The following MYH9 variants were observed in gnomAD, a reference collection of about 807,000 sequenced individuals.
MYH9 encodes the protein myosin heavy chain 9.
Under a neutral mutation model 241.9 loss-of-function variants are expected in MYH9, and 29 were observed. The observed-to-expected ratio is 0.12, with a 90% CI of 0.09 to 0.16. The LOEUF (loss-of-function observed/expected upper bound fraction) is 0.16, where lower values mean the gene tolerates loss of function less well. MYH9 is among the 10% of genes least tolerant of loss of function. The pLI is 1.00. For synonymous variants in MYH9, 1,047 were observed against 1,062.6 expected (o/e 0.99, Z 0.29); for missense variants, 1,803 against 2,595.5 (o/e 0.69, Z 6.63).
At chr22:36,370,790 T>C (rs2018078570) in intron 1 of MYH9, among the ~76,000 whole-genome samples, 1 of 150,444 alleles carries the variant, frequency 6.6e-6, no homozygotes, top group Admixed American at 6.6e-5. Context: ...TGATCAGAAG[T>C]AGAAGCCCGG....
intron 2 of MYH9, among the ~76,000 whole-genome samples, chr22:36,346,069 C>A (rs917250914): frequency 1.4e-4 from 21 of 151,592 alleles, no homozygotes; most frequent in African/African-American, 5.1e-4. Flanking sequence ...ATCGCTTGAA[C>A]CCGGGAGGCA....
intron 1 of MYH9, among the ~76,000 whole-genome samples, chr22:36,383,203 G>C (rs1169461895): frequency 6.6e-6 from 1 of 152,156 alleles, no homozygotes; most frequent in East Asian, 1.9e-4. Flanking sequence ...CTGGGCAACA[G>C]AGCAAGACCC....
intron 24 of MYH9, 93 bp downstream of exon 24, chr22:36,298,826 G>A: frequency 6.3e-7 from 1 of 1,576,546 alleles, no homozygotes; most frequent in Non-Finnish European, 8.6e-7. Flanking sequence ...GAGCTGAGAA[G>A]GCCTCGGTGT....
At chr22:36,323,177 C>T (rs1276583266) in intron 5 of MYH9, among the ~76,000 whole-genome samples, 2 of 133,570 alleles carry the variant, frequency 1.5e-5, no homozygotes, top group Non-Finnish European at 2.9e-5. Flanking sequence ...CAAAATGCAC[C>T]CTTGTGCCTT....
chr22:36,294,435 A>G, intron 27 of MYH9, 137 bp from the exon 28 acceptor site: 2 of 895,572 alleles, frequency 2.2e-6, no homozygotes, highest in East Asian at 2.6e-5. Flanking sequence ...CTGGACTCAG[A>G]CGGCTCGGGC....
At chr22:36,294,408 G>GCAGGC in intron 27 of MYH9, 110 bp from the exon 28 acceptor site, 2 of 1,204,684 alleles carry the variant, frequency 1.7e-6, no homozygotes, top group Non-Finnish European at 2.4e-6. Context: ...CAGCCCTGAC[G>GCAGGC]ACGGTGTGCC....
chr22:36,380,047 G>A (rs546885514), intron 1 of MYH9, among the ~76,000 whole-genome samples: 6 of 152,344 alleles, frequency 3.9e-5, no homozygotes, highest in South Asian at 2.1e-4. Flanking sequence ...GATACAGGCC[G>A]CCCGCCCATG....
At chr22:36,356,953 C>T (rs937984533) in intron 1 of MYH9, among the ~76,000 whole-genome samples, 3 of 152,246 alleles carry the variant, frequency 2.0e-5, no homozygotes, top group South Asian at 2.1e-4. Context: ...GGCCTTCGGC[C>T]GGTGCCACCT....
chr22:36,336,150 A>G (rs2017494842), intron 3 of MYH9, among the ~76,000 whole-genome samples: 2 of 152,230 alleles, frequency 1.3e-5, no homozygotes, highest in African/African-American at 4.8e-5. Context: ...CTGGGAACTC[A>G]TTAAAATATT....
intron 11 of MYH9, among the ~76,000 whole-genome samples, chr22:36,317,878 G>A (rs1263221119): frequency 6.6e-6 from 1 of 152,258 alleles, no homozygotes; most frequent in Non-Finnish European, 1.5e-5. Flanking sequence ...AGCTACAGTG[G>A]CATCAAGTTC....
At chr22:36,365,554 G>A (rs2017998286) in intron 1 of MYH9, among the ~76,000 whole-genome samples, 1 of 151,990 alleles carries the variant, frequency 6.6e-6, no homozygotes, top group Non-Finnish European at 1.5e-5. Flanking sequence ...GCAACCTCCT[G>A]GGTTCAAGCA....
chr22:36,282,548 G>T lies in MYH9; in HGVS notation c.*120C>A, dbSNP rs2016508741. 5.3e-6 allele frequency: 5 copies of T among 946,980 alleles called. No individual in the cohort carries two copies. The Admixed American group carries it at 6.8e-5, about 13-fold the overall frequency. 58.7% of individuals were successfully genotyped at this position (946,980 alleles called of 1,614,324 possible). A position where few individuals can be genotyped will look rare whatever the true frequency, so the allele number is the denominator to read the frequency against. Reference sequence around the variant, plus strand: ...ACGGGATGGGGGGACGGGGCGGAGGGCAGGAGGAGGCATGTTCACAGCAGT... The same window carrying T: ...ACGGGATGGGGGGACGGGGCGGAGGTCAGGAGGAGGCATGTTCACAGCAGT... On this transcript the variant is annotated 3_prime_UTR_variant, in exon 41 of 41. Transcript: ENST00000216181.
Position 36,289,067 on chromosome 22 carries a change from G to A in MYH9, c.4557+18C>T, listed in dbSNP as rs1228041191. 2 of 1,613,804 alleles carry A rather than the reference G, an allele frequency of 1.2e-6. No homozygotes were observed. The highest frequency in any genetic ancestry group is 2.2e-5 in the East Asian group (1 of 44,880). Reference sequence around the variant, plus strand: ...CTCGGGCCCTTCCCAAGACCTGGCTGCCAGGCCCAGGACTCACACTCTTGC... The same window carrying A: ...CTCGGGCCCTTCCCAAGACCTGGCTACCAGGCCCAGGACTCACACTCTTGC... On this transcript the variant is annotated intron_variant, in intron 32 of 40. Transcript: ENST00000216181.
intron 19 of MYH9, among the ~76,000 whole-genome samples, chr22:36,303,784 C>CAAAAAAAAAA (rs56983008): frequency 2.1e-5 from 1 of 48,430 alleles, no homozygotes; most frequent in Non-Finnish European, 4.4e-5. Context: ...GACTCCGTCT[C>CAAAAAAAAAA]AAAAAAAAAA....
chr22:36,300,025 C>T lies in MYH9; in HGVS notation c.2976+102G>A. On this transcript the variant is annotated intron_variant, in intron 23 of 40. Transcript: ENST00000216181. This position sits in a 1 kb window ranked among gnomAD's most constrained non-coding sequence, Gnocchi z 5.0. The stretch of plus-strand genomic sequence containing the variant: ...GCCCTCATGCTGCAGGCAGAAGAGA[C>T]AGGAAGCAGCAGCAGCGGGGAGCCA... 5.9e-6 allele frequency: 9 copies of T among 1,518,862 alleles called. No individual in the cohort carries two copies. Among genetic ancestry groups the T allele is most frequent in the Non-Finnish European group, 8.1e-6 (9 of 1,107,866 alleles). The allele number at this position is 1,518,862 out of a possible 1,614,324, so 94.1% of individuals were successfully genotyped here. A position where few individuals can be genotyped will look rare whatever the true frequency, so the allele number is the denominator to read the frequency against.
intron 14 of MYH9, among the ~76,000 whole-genome samples, chr22:36,311,617 T>G (rs1321834803): frequency 6.6e-6 from 1 of 152,168 alleles, no homozygotes; most frequent in Non-Finnish European, 1.5e-5. Context: ...TTAATCCACA[T>G]AATCCTGTAT....
At chr22:36,370,549 C>T (rs569432535) in intron 1 of MYH9, among the ~76,000 whole-genome samples, 11 of 152,346 alleles carry the variant, frequency 7.2e-5, no homozygotes, top group African/African-American at 2.6e-4. Context: ...TGGCAACGCA[C>T]GCTCGAACCG....
rs139039608 is a variant in MYH9 at position 36,288,813 on chromosome 22, G to C, written c.4684C>G (p.Leu1562Val). The change falls in exon 33 of 41, where the codon CTG (leucine) becomes GTG (valine). Residue 1562 changes from leucine (L) to valine (V), a missense_variant. Leu to Val is a conservative substitution (Grantham distance 32, BLOSUM62 1). Around this residue, in one of 11 missense-constraint regions of MYH9, gnomAD observed 876 missense variants for 1,077.8 expected, o/e 0.81. Transcript: ENST00000216181. The surrounding 1 kb of genome is among the most constrained non-coding windows in gnomAD (Gnocchi z 4.8). ...TCGAACTGGGCCTTCATGGCCTGCAGGTTGACCTCCAACCGCAGCTTGGCA... is the reference window on the plus strand; with the variant it reads ...TCGAACTGGGCCTTCATGGCCTGCACGTTGACCTCCAACCGCAGCTTGGCA... ...EDAKLRLEVN[L>V]QAMKAQFERD... The C allele has an allele frequency of 7.4e-6, 12 of 1,613,266 alleles. No individual in the cohort carries two copies. In the African/African-American group the frequency reaches 1.6e-4, roughly 22 times the overall value.
chr22:36,383,988 G>GT (rs2018299809), intron 1 of MYH9, among the ~76,000 whole-genome samples: 1 of 150,638 alleles, frequency 6.6e-6, no homozygotes, highest in Non-Finnish European at 1.5e-5. Flanking sequence ...GGGCGAGGGG[G>GT]TGCTGGGTGT....
Sources: gnomAD v4.1 joint callset for allele counts (sites outside exome capture counted in the v4.1 genomes callset) on GRCh38, gnomAD v4.1.1 for gene constraint, gnomAD v4.1.1 regional missense constraint, Gnocchi (gnomAD v3.1) non-coding constraint, MANE v1.5 for transcripts, NCBI Gene and HGNC (gene_info 2026-07-23, HGNC 2026-07-21) for gene names.